Variants in ZNF420 observed in about 807,000 individuals in gnomAD.
ZNF420 encodes zinc finger protein 420.
In ZNF420, 31 loss-of-function variants were observed where a neutral mutation model predicts 44.7. That is an observed-to-expected ratio of 0.69 (90% CI 0.52 to 0.94). ZNF420 has a LOEUF of 0.94. ZNF420 is among the 40% of genes least tolerant of loss of function. ZNF420 has a pLI of 0.00. For missense variants in ZNF420, 681 were observed against 827.9 expected, an observed-to-expected ratio of 0.82 and a Z score of 2.18; for synonymous variants, 245 against 267.4, an observed-to-expected ratio of 0.92 and a Z score of 0.82.
chr19:37,076,151 C>A (rs2146461575), upstream of ZNF420, among the ~76,000 whole-genome samples: 1 of 152,144 alleles, frequency 6.6e-6, no homozygotes, highest in South Asian at 2.1e-4. Flanking sequence ...CTCAGGTGAA[C>A]AACTGTTTTT....
chr19:37,070,349 A>G (rs1968037481), intron 1 of ZNF420, among the ~76,000 whole-genome samples: 1 of 152,164 alleles, frequency 6.6e-6, no homozygotes, highest in South Asian at 2.1e-4. Flanking sequence ...ATGAAGCTAA[A>G]TTTATGACTT....
intron 4 of ZNF420, among the ~76,000 whole-genome samples, chr19:37,121,616 C>G (rs992294288): frequency 6.6e-6 from 1 of 152,092 alleles, no homozygotes; most frequent in Non-Finnish European, 1.5e-5. Context: ...AAAGCCAAAA[C>G]TGACAAATGG....
At chr19:37,097,157 A>G (rs938919114) in intron 4 of ZNF420, among the ~76,000 whole-genome samples, 3 of 152,124 alleles carry the variant, frequency 2.0e-5, no homozygotes, top group Non-Finnish European at 4.4e-5. Flanking sequence ...TCGGCCTCCC[A>G]AAGTGCTGGG....
At chr19:37,080,832 G>A (rs1170015878) in intron 2 of ZNF420, among the ~76,000 whole-genome samples, 1 of 151,936 alleles carries the variant, frequency 6.6e-6, no homozygotes, top group Non-Finnish European at 1.5e-5. Flanking sequence ...CGAGGCGGAT[G>A]GAACGAGGTT....
chr19:37,039,257 A>T (rs1282282799), intron 1 of ZNF420, among the ~76,000 whole-genome samples: 1 of 152,208 alleles, frequency 6.6e-6, no homozygotes, highest in Non-Finnish European at 1.5e-5. Flanking sequence ...TTTCCAATTT[A>T]CTTTGCTGAG....
At chr19:37,009,429 G>A (rs77504957) in intron 1 of ZNF420, among the ~76,000 whole-genome samples, 117 of 152,232 alleles carry the variant, frequency 7.7e-4, no homozygotes, top group East Asian at 3.3e-3. Context: ...CCCTTCCACC[G>A]GGCACATGCC....
chr19:37,055,459 C>G (rs530276345), intron 1 of ZNF420, among the ~76,000 whole-genome samples: 3 of 152,332 alleles, frequency 2.0e-5, no homozygotes, highest in African/African-American at 7.2e-5. Flanking sequence ...GGGGTCCGGC[C>G]CCGAAGTCCC....
intron 1 of ZNF420, among the ~76,000 whole-genome samples, chr19:37,020,542 T>C (rs2074640870): frequency 6.6e-6 from 1 of 152,216 alleles, no homozygotes; most frequent in Non-Finnish European, 1.5e-5. Flanking sequence ...AATAAACCTG[T>C]CTTTGACGGT....
Position 37,116,635 on chromosome 19 carries a change from C to T in ZNF420, c.137-10493C>T, listed in dbSNP as rs1011912603. ...GACAGTGGGTGCAGCACACTGTGTG[C>T]GAGCCGAAGCAGGGCGAGGCATTAC... On this transcript the variant is annotated intron_variant, in intron 4 of 4. Coordinates refer to ENST00000337995, the MANE Select transcript of ZNF420 (RefSeq NM_144689.5). 7.9e-5 allele frequency among the ~76,000 whole-genome samples: 12 copies of T among 152,060 alleles called. No individual in the cohort carries two copies. In the East Asian group the frequency reaches 1.4e-3, roughly 17 times the overall value.
At chr19:37,093,695 T>C (rs745594349) in intron 4 of ZNF420, among the ~76,000 whole-genome samples, 27 of 152,148 alleles carry the variant, frequency 1.8e-4, no homozygotes, top group Non-Finnish European at 3.5e-4. Context: ...CCATGCCAAG[T>C]GAAAGAAGCC....
intron 4 of ZNF420, among the ~76,000 whole-genome samples, chr19:37,104,968 A>G (rs189561804): frequency 6.6e-6 from 1 of 152,246 alleles, no homozygotes; most frequent in African/African-American, 2.4e-5. Context: ...CTCTGTTGGT[A>G]GTTTCTTTTG....
chr19:37,085,062 G>A (rs1223789304), intron 2 of ZNF420, among the ~76,000 whole-genome samples: 1 of 151,738 alleles, frequency 6.6e-6, no homozygotes, highest in Non-Finnish European at 1.5e-5. Context: ...TCCTAAGGTG[G>A]GAGCCTAAAT....
rs149973513 is a variant in ZNF420 at position 37,065,496 on chromosome 19, C to T, written c.-124-14849C>T. 6.3e-4 allele frequency among the ~76,000 whole-genome samples: 96 copies of T among 152,282 alleles called. 1 individual carries two copies. The East Asian group carries it at 0.014, about 23-fold the overall frequency. ...GGCTTTTGAGATGGAGGAAGGGGGC[C>T]GTGAGCCAAGGAATGTGGCAGCCTC... is the stretch of plus-strand genomic sequence containing the variant. On this transcript the variant is annotated intron_variant, in intron 1 of 4. Coordinates refer to the ZNF420 transcript ENST00000587029.
intron 4 of ZNF420, among the ~76,000 whole-genome samples, chr19:37,094,701 G>C (rs1568453130): frequency 6.6e-6 from 1 of 152,100 alleles, no homozygotes; most frequent in Non-Finnish European, 1.5e-5. Flanking sequence ...GCAATTAGTT[G>C]AGGTTCTAAG....
intron 4 of ZNF420, 69 bp downstream of exon 4, chr19:37,091,190 A>G: frequency 2.8e-6 from 4 of 1,417,248 alleles, no homozygotes; most frequent in Non-Finnish European, 2.8e-6. Flanking sequence ...TGTTATTTCA[A>G]ATTTCCTTTT....
At chr19:37,061,522 C>A (rs2146441435) in intron 1 of ZNF420, among the ~76,000 whole-genome samples, 1 of 152,158 alleles carries the variant, frequency 6.6e-6, no homozygotes, top group Admixed American at 6.5e-5. Context: ...GTTTTGGGGA[C>A]AAGTACCAGT....
chr19:37,081,676 C>G (rs1196879353), intron 2 of ZNF420, among the ~76,000 whole-genome samples: 1 of 149,110 alleles, frequency 6.7e-6, no homozygotes, highest in African/African-American at 2.5e-5. Flanking sequence ...CAGGCGGGCA[C>G]GACCATGCCC....
chr19:37,014,906 C>G (rs1157182951), intron 1 of ZNF420, among the ~76,000 whole-genome samples: 13 of 152,180 alleles, frequency 8.5e-5, no homozygotes, highest in Admixed American at 8.5e-4. Context: ...AGCAGGGCCC[C>G]AAGAATGCAC....
chr19:37,093,853 G>A (rs1969292749), intron 4 of ZNF420, among the ~76,000 whole-genome samples: 1 of 152,312 alleles, frequency 6.6e-6, no homozygotes, highest in Admixed American at 6.5e-5. Context: ...GTGGGGAGAT[G>A]AGAAGTGACT....
Sources: allele counts gnomAD v4.1 joint callset (sites outside exome capture counted in the v4.1 genomes callset), GRCh38; gene constraint gnomAD v4.1.1; transcripts MANE v1.5; gene names NCBI Gene and HGNC (gene_info 2026-07-23, HGNC 2026-07-21).